Variants in KLHL29 observed in about 807,000 individuals in gnomAD.
KLHL29 encodes kelch like family member 29.
A neutral mutation model predicts 80.4 loss-of-function variants in KLHL29; 21 were observed. The observed-to-expected ratio is 0.26, with a 90% CI of 0.19 to 0.38. The LOEUF (loss-of-function observed/expected upper bound fraction) is 0.38, where lower values mean the gene tolerates loss of function less well. Among genes scored for constraint, KLHL29 ranks in the 10% least tolerant of loss-of-function variants. KLHL29 has a pLI of 1.00. For missense variants in KLHL29, 867 were observed against 1,223.9 expected (o/e 0.71, Z 4.35); for synonymous variants, 511 against 526.8 (o/e 0.97, Z 0.41).
intron 2 of KLHL29, among the ~76,000 whole-genome samples, chr2:23,561,015 C>T (rs530108309): frequency 1.3e-5 from 2 of 152,320 alleles, no homozygotes; most frequent in African/African-American, 4.8e-5. Flanking sequence ...CCCGGACCTC[C>T]GGGGACTCAC....
intron 5 of KLHL29, among the ~76,000 whole-genome samples, chr2:23,646,047 A>AT (rs5829905): frequency 8.1e-4 from 122 of 150,896 alleles, no homozygotes; most frequent in African/African-American, 1.7e-3. Flanking sequence ...AAGCTGTAGG[A>AT]TTTTTTTTTT....
At chr2:23,447,710 T>C (rs1663740565) in intron 1 of KLHL29, among the ~76,000 whole-genome samples, 1 of 152,110 alleles carries the variant, frequency 6.6e-6, no homozygotes, top group African/African-American at 2.4e-5. Context: ...AATTCTGAAA[T>C]AGAAAAGGCT....
At chr2:23,599,760 A>T (rs1462417086) in intron 3 of KLHL29, among the ~76,000 whole-genome samples, 6 of 152,158 alleles carry the variant, frequency 3.9e-5, no homozygotes, top group Non-Finnish European at 7.4e-5. Flanking sequence ...GAGTGTGTGC[A>T]TTACTGTTTG....
chr2:23,552,016 G>A (rs1180368156), intron 2 of KLHL29, among the ~76,000 whole-genome samples: 3 of 152,238 alleles, frequency 2.0e-5, no homozygotes, highest in South Asian at 2.1e-4. Context: ...ATGTTGTGAG[G>A]CAAATGATGT....
In KLHL29 at chr2:23,701,864, G is replaced by A. The variant is rs560997686; in HGVS notation, c.2106-1322G>A. Among the ~76,000 whole-genome samples the A allele has an allele frequency of 1.5e-4, 21 of 143,884 alleles. No individual in the cohort carries two copies. The East Asian group carries it at 2.5e-3, about 17-fold the overall frequency. The allele number at this position is 143,884 out of a possible 152,430, so 94.4% of individuals were successfully genotyped here. ...TGCCCAGGCTGGAGTGCAATGGCGC[G>A]ATCTTGGCTCACCGCAGCCTCTGCC... On this transcript the variant is annotated intron_variant, in intron 11 of 13. Transcript: ENST00000486442.
intron 6 of KLHL29, chr2:23,690,408 C>T (rs1054720049): frequency 6.6e-6 from 1 of 152,226 alleles, no homozygotes; most frequent in Non-Finnish European, 1.5e-5. Context: ...CTCTTTCCGC[C>T]CACCCACACA....
intron 1 of KLHL29, among the ~76,000 whole-genome samples, chr2:23,451,890 A>G (rs940788532): frequency 1.2e-4 from 19 of 152,328 alleles, no homozygotes; most frequent in African/African-American, 4.6e-4. Flanking sequence ...GTGTCTAGGA[A>G]GCATGGCACT....
chr2:23,543,564 T>A (rs1485074469), intron 2 of KLHL29, among the ~76,000 whole-genome samples: 1 of 152,224 alleles, frequency 6.6e-6, no homozygotes, highest in Admixed American at 6.5e-5. Flanking sequence ...CTGAAGTTAC[T>A]GATTTCCGTG....
At chr2:23,524,368 A>G (rs1666221574) in intron 2 of KLHL29, 1 of 187,058 alleles carries the variant, frequency 5.3e-6, no homozygotes, top group Non-Finnish European at 1.1e-5. Flanking sequence ...AGGCCAGGAA[A>G]TACCTTTAGG....
intron 3 of KLHL29, among the ~76,000 whole-genome samples, chr2:23,610,517 C>A (rs186591107): frequency 6.6e-6 from 1 of 152,338 alleles, no homozygotes; most frequent in East Asian, 1.9e-4. Context: ...CTCCTCAGTT[C>A]CGCACTTCCC....
intron 1 of KLHL29, among the ~76,000 whole-genome samples, chr2:23,424,756 T>C (rs1471271058): frequency 6.6e-6 from 1 of 152,202 alleles, no homozygotes; most frequent in African/African-American, 2.4e-5. Flanking sequence ...TTACCAGCAA[T>C]GTGTTATTTG....
At chr2:23,536,573 T>C (rs1269398059) in intron 2 of KLHL29, among the ~76,000 whole-genome samples, 1 of 152,188 alleles carries the variant, frequency 6.6e-6, no homozygotes, top group African/African-American at 2.4e-5. Context: ...AGGCAACCCT[T>C]CCCATGCTCA....
chr2:23,511,303 A>G (rs971503028), intron 2 of KLHL29, among the ~76,000 whole-genome samples: 4 of 152,230 alleles, frequency 2.6e-5, no homozygotes, highest in Non-Finnish European at 4.4e-5. Flanking sequence ...TAAAGGGTAC[A>G]GCACAGCCTC....
At chr2:23,401,998 C>T (rs1281390913) in intron 1 of KLHL29, among the ~76,000 whole-genome samples, 2 of 152,178 alleles carry the variant, frequency 1.3e-5, no homozygotes, top group Non-Finnish European at 2.9e-5. Flanking sequence ...GTTGATTTTC[C>T]TCTAAGGATC....
rs187083138 is a variant in KLHL29, at chr2:23,545,496, C to T, written c.-45-16656C>T. The stretch of plus-strand genomic sequence containing the variant: ...CAGCTGGGTAAGGAAGGCTTGGCGT[C>T]CTCGGGGTGGGGTGTCCCCAGGCCA... On this transcript the variant is annotated intron_variant, in intron 2 of 13. Coordinates refer to ENST00000486442, the MANE Select transcript of KLHL29 (RefSeq NM_052920.2). Among the ~76,000 whole-genome samples the T allele has an allele frequency of 1.5e-4, 23 of 152,332 alleles. No homozygotes were observed. In the East Asian group the frequency reaches 3.9e-3, roughly 26 times the overall value.
At chr2:23,703,407 G>C (rs756489400) in intron 12 of KLHL29, 28 bp downstream of exon 12, 1 of 1,446,752 alleles carries the variant, frequency 6.9e-7, no homozygotes, top group Non-Finnish European at 9.1e-7. Context: ...CCTCAGCCCA[G>C]GGCCAGGGTC....
intron 1 of KLHL29, among the ~76,000 whole-genome samples, chr2:23,401,366 G>T (rs1666595503): frequency 6.6e-6 from 1 of 152,180 alleles, no homozygotes; most frequent in African/African-American, 2.4e-5. Flanking sequence ...AAGTCCACCA[G>T]GTCACTGACA....
intron 3 of KLHL29, among the ~76,000 whole-genome samples, chr2:23,606,103 A>G (rs1668715327): frequency 6.6e-6 from 1 of 151,006 alleles, no homozygotes; most frequent in African/African-American, 2.4e-5. Context: ...AAGTGAGAGT[A>G]TGGGAGTTTC....
At chr2:23,616,539 G>A (rs761436679) in intron 3 of KLHL29, 8 of 152,174 alleles carry the variant, frequency 5.3e-5, no homozygotes, top group South Asian at 2.1e-4. Flanking sequence ...AAAAGAAACC[G>A]TTTCAATCAA....
Sources: allele counts gnomAD v4.1 joint callset (sites outside exome capture counted in the v4.1 genomes callset), GRCh38; gene constraint gnomAD v4.1.1; transcripts MANE v1.5; gene names NCBI Gene and HGNC (gene_info 2026-07-23, HGNC 2026-07-21).